The following PPP2R5C variants were observed in gnomAD, a reference collection of about 807,000 sequenced individuals.
PPP2R5C encodes the protein protein phosphatase 2 regulatory subunit B'gamma, also known as serine/threonine-protein phosphatase 2A 56 kDa regulatory subunit gamma isoform.
PPP2R5C carries 7 observed loss-of-function variants against 68.9 expected under a neutral mutation model. The observed-to-expected ratio is 0.10, with a 90% CI of 0.06 to 0.19. The LOEUF (loss-of-function observed/expected upper bound fraction) is 0.19, where lower values mean the gene tolerates loss of function less well. PPP2R5C is among the 10% of genes least tolerant of loss of function. The probability of loss-of-function intolerance (pLI) is 1.00; values close to 1 mark genes in which losing one functional copy is unlikely to be tolerated. For synonymous variants in PPP2R5C, 210 were observed against 222.2 expected (o/e 0.95, Z 0.49); for missense variants, 348 against 641.3 (o/e 0.54, Z 4.94).
upstream of PPP2R5C, chr14:101,760,601 G>C (rs2036444378): frequency 1.4e-6 from 1 of 740,490 alleles, no homozygotes; most frequent in African/African-American, 2.0e-5. Flanking sequence ...GACCAACCAG[G>C]AAAGGACGGG....
At position 101,797,434 on chromosome 14, in the gene PPP2R5C, C is replaced by CA. The variant is rs2140121819; in HGVS notation, c.259+11252dup. The CA allele has an allele frequency of 2.5e-6, 1 of 396,222 alleles. No homozygotes were observed. Among genetic ancestry groups the CA allele is most frequent in the South Asian group, 1.8e-5 (1 of 54,890 alleles). 24.5% of individuals were successfully genotyped at this position (396,222 alleles called of 1,614,324 possible). A position where few individuals can be genotyped will look rare whatever the true frequency, so the allele number is the denominator to read the frequency against. On this transcript the variant is annotated intron_variant, in intron 3 of 14. Transcript: ENST00000328724. This position sits in a 1 kb window ranked among gnomAD's most constrained non-coding sequence, Gnocchi z 4.2. ...GCATCTGCCAAGGACCCAGGAAACACACAGTGTGTCTCCTGAAGGAATGAA... is the reference window on the plus strand; with the variant it reads ...GCATCTGCCAAGGACCCAGGAAACACAACAGTGTGTCTCCTGAAGGAATGAA...
At chr14:101,867,404 G>C (rs963147764) in intron 2 of PPP2R5C, among the ~76,000 whole-genome samples, 4 of 150,878 alleles carry the variant, frequency 2.7e-5, no homozygotes, top group African/African-American at 9.8e-5. Context: ...GCAAGACTCT[G>C]CCTCAAAAAA....
In PPP2R5C at chr14:101,910,286, T is replaced by C. The variant is rs150906392; in HGVS notation, c.1253+596T>C. Among the ~76,000 whole-genome samples the C allele has an allele frequency of 6.7e-3, 1,022 of 152,336 alleles. 6 individuals are homozygous for C. Among genetic ancestry groups the C allele is most frequent in the Non-Finnish European group, 0.011 (716 of 68,028 alleles). On this transcript the variant is annotated intron_variant, in intron 11 of 13. Transcript: ENST00000334743. ...GTTGTTGGAGGTCACTTCTTCCAAG[T>C]TGAGTATGGACTATTGGCAGATTTT...
chr14:101,871,209 G>T lies in PPP2R5C; in HGVS notation c.295-10952G>T, dbSNP rs567753305. 2.3e-4 allele frequency among the ~76,000 whole-genome samples: 29 copies of T among 126,846 alleles called. No individual in the cohort carries two copies. The East Asian group carries it at 5.5e-3, about 24-fold the overall frequency. The allele number at this position is 126,846 out of a possible 152,430, so 83.2% of individuals were successfully genotyped here. On this transcript the variant is annotated intron_variant, in intron 2 of 13. Coordinates refer to ENST00000334743, the Ensembl canonical transcript of PPP2R5C. ...GTAGATAGCGTATTGTTGAGTCTTGGTTTTTTTTTGTTTTGGTTTTTGTTG... is the reference window on the plus strand; with the variant it reads ...GTAGATAGCGTATTGTTGAGTCTTGTTTTTTTTTTGTTTTGGTTTTTGTTG...
chr14:101,911,356 CTA>C (rs1824173597), intron 11 of PPP2R5C, among the ~76,000 whole-genome samples: 1 of 152,120 alleles, frequency 6.6e-6, no homozygotes, highest in Non-Finnish European at 1.5e-5. Context: ...CCTAAGTGAA[CTA>C]TAGAGCATGA....
chr14:101,873,316 A>G (rs2043541594), intron 2 of PPP2R5C, among the ~76,000 whole-genome samples: 2 of 152,090 alleles, frequency 1.3e-5, no homozygotes, highest in South Asian at 4.1e-4. Context: ...TGGATGTCTG[A>G]CATTGTGAAT....
At chr14:101,808,106 G>GAGGAGC (rs2039146665), upstream of PPP2R5C, among the ~76,000 whole-genome samples, 1 of 151,344 alleles carries the variant, frequency 6.6e-6, no homozygotes, top group East Asian at 1.9e-4. Context: ...GGAGGAGGAG[G>GAGGAGC]AGGAGGCTGG....
In PPP2R5C at chr14:101,851,272, A is replaced by G. The variant is rs145185726; in HGVS notation, c.95-5414A>G. On this transcript the variant is annotated intron_variant, in intron 1 of 13. Coordinates refer to ENST00000334743, the Ensembl canonical transcript of PPP2R5C. ...ACATAGTGAGATTGTGTCTCTATAA[A>G]CAATTTAAAAACTAGCTGGGTGTGG... Among the ~76,000 whole-genome samples, 28 of 152,224 alleles carry G rather than the reference A, an allele frequency of 1.8e-4. 1 individual carries two copies. In the East Asian group the frequency reaches 3.3e-3, roughly 18 times the overall value.
intron 2 of PPP2R5C, among the ~76,000 whole-genome samples, chr14:101,769,332 G>A (rs2037030437): frequency 6.6e-6 from 1 of 152,232 alleles, no homozygotes; most frequent in Non-Finnish European, 1.5e-5. Flanking sequence ...CTAGCTAGAT[G>A]CAGTCCTTGA....
intron 1 of PPP2R5C, among the ~76,000 whole-genome samples, chr14:101,850,214 C>T (rs1595371424): frequency 6.6e-6 from 1 of 151,964 alleles, no homozygotes; most frequent in South Asian, 2.1e-4. Context: ...TCCTGGTCAG[C>T]GCAGTAGATA....
In PPP2R5C at chr14:101,883,412, G is replaced by A. The variant is rs1364369521; in HGVS notation, c.499-20G>A. 1.9e-6 allele frequency: 3 copies of A among 1,612,426 alleles called. No homozygotes were observed. The Admixed American group carries it at 5.0e-5, about 27-fold the overall frequency. ...TGGAATGATGACACCCAGCCACTAA[G>A]TGTCTTTTTCTTCTCAAAGCTTTTA... On this transcript the variant is annotated intron_variant, in intron 4 of 13. Coordinates refer to ENST00000334743, the Ensembl canonical transcript of PPP2R5C.
At chr14:101,799,879 CCTTT>C (rs2038785471) in intron 3 of PPP2R5C, among the ~76,000 whole-genome samples, 2 of 152,194 alleles carry the variant, frequency 1.3e-5, no homozygotes, top group Admixed American at 1.3e-4. Context: ...TCATCACAGC[CCTTT>C]CTTTGTTCCT....
chr14:101,902,215 C>A (rs1391362301), intron 9 of PPP2R5C, among the ~76,000 whole-genome samples: 1 of 152,288 alleles, frequency 6.6e-6, no homozygotes, highest in East Asian at 1.9e-4. Flanking sequence ...TATTGATAGA[C>A]AACGGGTGGC....
intron 6 of PPP2R5C, among the ~76,000 whole-genome samples, chr14:101,892,239 G>C (rs1307059926): frequency 6.6e-6 from 1 of 152,076 alleles, no homozygotes; most frequent in Non-Finnish European, 1.5e-5. Context: ...TTACAGGTAT[G>C]AGCCACCGCC....
intron 1 of PPP2R5C, chr14:101,843,278 A>G (rs1471126949): frequency 6.2e-6 from 1 of 160,458 alleles, no homozygotes; most frequent in Non-Finnish European, 1.4e-5. Flanking sequence ...GAACCTGGAC[A>G]GCATTGATCA....
intron 2 of PPP2R5C, among the ~76,000 whole-genome samples, chr14:101,783,290 G>T (rs1377724587): frequency 8.2e-6 from 1 of 122,288 alleles, no homozygotes; most frequent in Non-Finnish European, 1.7e-5. Flanking sequence ...GTTCTTGGTG[G>T]CATCTGCTTT....
chr14:101,881,962 T>C (rs566310143), intron 2 of PPP2R5C, among the ~76,000 whole-genome samples, 199 bp from the exon 5 acceptor site: 32 of 152,322 alleles, frequency 2.1e-4, no homozygotes, highest in African/African-American at 6.5e-4. Context: ...CGTGCGCACC[T>C]GTCCAAAGTG....
intron 2 of PPP2R5C, chr14:101,767,169 C>T (rs957931915): frequency 2.0e-5 from 3 of 152,190 alleles, no homozygotes; most frequent in Admixed American, 1.3e-4. Context: ...CACCTTCTAC[C>T]TTTAGTAAAT....
At chr14:101,826,915 T>G (rs373998593) in intron 1 of PPP2R5C, among the ~76,000 whole-genome samples, 2 of 152,122 alleles carry the variant, frequency 1.3e-5, no homozygotes, top group African/African-American at 4.8e-5. Flanking sequence ...AAAAAGCTAT[T>G]TGAATTTAGT....
Sources: allele counts gnomAD v4.1 joint callset (sites outside exome capture counted in the v4.1 genomes callset), GRCh38; gene constraint gnomAD v4.1.1; non-coding constraint Gnocchi (gnomAD v3.1); transcripts MANE v1.5; gene names NCBI Gene and HGNC (gene_info 2026-07-23, HGNC 2026-07-21).